Variants in KCNQ5 observed in about 807,000 individuals in gnomAD.
KCNQ5 encodes potassium voltage-gated channel subfamily Q member 5, also known as potassium voltage-gated channel subfamily KQT member 5.
Under a neutral mutation model 98.2 loss-of-function variants are expected in KCNQ5, and 30 were observed. The ratio of observed to expected loss-of-function variants is 0.31; its 90% CI spans 0.23 to 0.41. The LOEUF (loss-of-function observed/expected upper bound fraction) is 0.41, where lower values mean the gene tolerates loss of function less well. Among genes scored for constraint, KCNQ5 ranks in the 10% least tolerant of loss-of-function variants. KCNQ5 has a pLI of 1.00. For missense variants in KCNQ5, 835 were observed against 1,182.5 expected (o/e 0.71, Z 4.31); for synonymous variants, 458 against 449.4 (o/e 1.02, Z -0.24).
intron 9 of KCNQ5, among the ~76,000 whole-genome samples, chr6:73,132,408 A>C (rs1039137253): frequency 2.0e-5 from 3 of 152,150 alleles, no homozygotes; most frequent in Non-Finnish European, 2.9e-5. Flanking sequence ...AGAAAAAAAA[A>C]CAGAATGGGT....
chr6:73,158,318 G>A (rs1161082821), intron 10 of KCNQ5, among the ~76,000 whole-genome samples: 4 of 151,274 alleles, frequency 2.6e-5, no homozygotes, highest in South Asian at 2.1e-4. Flanking sequence ...GCCAGGCTGG[G>A]GTGCAATGGC....
rs376262907 is a variant in KCNQ5 at position 72,856,469 on chromosome 6, T to C, written c.399-147439T>C. Among the ~76,000 whole-genome samples, 118 of 58,948 alleles carry C rather than the reference T, an allele frequency of 2.0e-3. No homozygotes were observed. In the East Asian group the frequency reaches 0.038, roughly 19 times the overall value. 38.7% of individuals were successfully genotyped at this position (58,948 alleles called of 152,430 possible). Reference sequence around the variant, plus strand: ...ATACACACACACACACACACACATATATACACACACACACACACACACACA... The same window carrying C: ...ATACACACACACACACACACACATACATACACACACACACACACACACACA... On this transcript the variant is annotated intron_variant, in intron 1 of 13. Transcript: ENST00000370398.
intron 8 of KCNQ5, among the ~76,000 whole-genome samples, chr6:73,122,372 C>A (rs1346581361): frequency 1.3e-5 from 2 of 152,164 alleles, no homozygotes; most frequent in African/African-American, 4.8e-5. Context: ...AATAATGAGT[C>A]AAATTCCCCC....
At chr6:72,879,137 G>A (rs1402354269) in intron 1 of KCNQ5, among the ~76,000 whole-genome samples, 1 of 152,032 alleles carries the variant, frequency 6.6e-6, no homozygotes, top group East Asian at 1.9e-4. Context: ...AAATCCAGAA[G>A]TATAATTTTT....
At chr6:72,645,217 A>AAC (rs1554681995) in intron 1 of KCNQ5, among the ~76,000 whole-genome samples, 5 of 146,656 alleles carry the variant, frequency 3.4e-5, no homozygotes, top group African/African-American at 1.3e-4. Flanking sequence ...AAAAAAACAA[A>AAC]AAAAAACAAA....
In KCNQ5 at chr6:73,096,618, T is replaced by C. The variant is rs1037599568; in HGVS notation, c.919-8639T>C. On this transcript the variant is annotated intron_variant, in intron 5 of 13. Coordinates refer to ENST00000370398, the MANE Select transcript of KCNQ5 (RefSeq NM_019842.4). ...TCTCTTTACTAATCCTTTACTTTTCTTTCATTGTAAATTGAGAAATTATAG... is the reference window on the plus strand; with the variant it reads ...TCTCTTTACTAATCCTTTACTTTTCCTTCATTGTAAATTGAGAAATTATAG... Among the ~76,000 whole-genome samples the C allele has an allele frequency of 3.3e-5, 5 of 152,212 alleles. No homozygotes were observed. The East Asian group carries it at 9.6e-4, about 29-fold the overall frequency.
At chr6:72,662,871 G>A (rs536288860) in intron 1 of KCNQ5, among the ~76,000 whole-genome samples, 37 of 152,032 alleles carry the variant, frequency 2.4e-4, no homozygotes, top group Admixed American at 2.6e-4. Context: ...TAAATAAACC[G>A]CATTTATTGC....
chr6:73,027,218 C>T (rs866641895), intron 2 of KCNQ5, among the ~76,000 whole-genome samples: 13 of 152,242 alleles, frequency 8.5e-5, no homozygotes, highest in Middle Eastern at 3.4e-3. Flanking sequence ...GATCAAGGAA[C>T]TAGTGAAGAT....
chr6:72,779,211 G>T (rs1773322714), intron 1 of KCNQ5, among the ~76,000 whole-genome samples: 1 of 152,180 alleles, frequency 6.6e-6, no homozygotes, highest in Non-Finnish European at 1.5e-5. Context: ...TAGAAAGCTG[G>T]TGTTGACAAG....
intron 3 of KCNQ5, chr6:73,055,470 C>T: frequency 1.9e-6 from 3 of 1,550,946 alleles, no homozygotes; most frequent in Non-Finnish European, 1.8e-6. Context: ...CCGATGGAGC[C>T]CTACCATCCT....
At chr6:73,063,211 C>T (rs1562155611) in intron 3 of KCNQ5, among the ~76,000 whole-genome samples, 1 of 152,016 alleles carries the variant, frequency 6.6e-6, no homozygotes. Context: ...TTAAACAGAG[C>T]GTGTCTTATT....
chr6:73,100,474 G>A (rs1179592879), intron 5 of KCNQ5, among the ~76,000 whole-genome samples: 1 of 151,756 alleles, frequency 6.6e-6, no homozygotes, highest in Non-Finnish European at 1.5e-5. Flanking sequence ...AGACCATCCT[G>A]GCTAACATGA....
intron 5 of KCNQ5, among the ~76,000 whole-genome samples, chr6:73,094,604 A>G (rs2150408418): frequency 6.6e-6 from 1 of 152,192 alleles, no homozygotes; most frequent in South Asian, 2.1e-4. Flanking sequence ...CAGTTCTTGT[A>G]GTGGTGGCTT....
intron 1 of KCNQ5, among the ~76,000 whole-genome samples, chr6:72,658,578 ATTTTT>A (rs1219877866): frequency 1.3e-5 from 1 of 76,366 alleles, no homozygotes; most frequent in East Asian, 2.8e-4. Context: ...ATATATATAT[ATTTTT>A]TTTTTTTTTT....
At chr6:72,952,030 C>T (rs1268608705) in intron 1 of KCNQ5, among the ~76,000 whole-genome samples, 1 of 152,124 alleles carries the variant, frequency 6.6e-6, no homozygotes, top group African/African-American at 2.4e-5. Flanking sequence ...GAAGTCATTA[C>T]TTAAGAGCAA....
intron 5 of KCNQ5, among the ~76,000 whole-genome samples, chr6:73,083,230 T>C (rs1272385601): frequency 6.6e-6 from 1 of 152,200 alleles, no homozygotes; most frequent in African/African-American, 2.4e-5. Flanking sequence ...GTATTTGTAA[T>C]TATAATGGCA....
chr6:72,859,727 A>T (rs933228278), intron 1 of KCNQ5, among the ~76,000 whole-genome samples: 1 of 151,956 alleles, frequency 6.6e-6, no homozygotes, highest in Non-Finnish European at 1.5e-5. Flanking sequence ...GACTACAGGC[A>T]TGCACCACCA....
At chr6:73,176,793 T>C (rs1320031244) in intron 11 of KCNQ5, among the ~76,000 whole-genome samples, 1 of 152,126 alleles carries the variant, frequency 6.6e-6, no homozygotes. Flanking sequence ...ATTGTGAGTG[T>C]TGAGTTCAAG....
intron 1 of KCNQ5, among the ~76,000 whole-genome samples, chr6:72,764,468 AT>A (rs1395797813): frequency 6.6e-6 from 1 of 151,780 alleles, no homozygotes; most frequent in Non-Finnish European, 1.5e-5. Flanking sequence ...TTTTTCTTCT[AT>A]TTTTAATTTT....
Sources: allele counts gnomAD v4.1 joint callset (sites outside exome capture counted in the v4.1 genomes callset), GRCh38; gene constraint gnomAD v4.1.1; transcripts MANE v1.5; gene names NCBI Gene and HGNC (gene_info 2026-07-23, HGNC 2026-07-21).